The following PCED1B variants were observed in gnomAD, a reference collection of about 807,000 sequenced individuals.
PCED1B encodes PC-esterase domain-containing protein 1B.
For synonymous variants in PCED1B, 251 were observed against 246.1 expected (o/e 1.02, Z -0.19); for missense variants, 573 against 573.9 (o/e 1.00, Z 0.02).
At chr12:47,116,632 A>G (rs1939433591) in intron 2 of PCED1B, among the ~76,000 whole-genome samples, 1 of 152,228 alleles carries the variant, frequency 6.6e-6, no homozygotes, top group Non-Finnish European at 1.5e-5. Flanking sequence ...TTTGAGCCAA[A>G]TTATTTGCCA....
intron 2 of PCED1B, among the ~76,000 whole-genome samples, chr12:47,110,223 C>T (rs995535063): frequency 1.3e-5 from 2 of 152,166 alleles, no homozygotes; most frequent in Non-Finnish European, 2.9e-5. Context: ...ACAATTAGTC[C>T]TGTAAATCAC....
chr12:47,121,752 C>T (rs10219577), intron 2 of PCED1B, among the ~76,000 whole-genome samples: 16,855 of 151,710 alleles, frequency 0.11, 1,798 homozygotes, highest in African/African-American at 0.28. Flanking sequence ...TGCTCTGAGC[C>T]GGGTGTGGTG....
Position 47,096,692 on chromosome 12 carries a change from C to G in PCED1B, c.-608-7421C>G, listed in dbSNP as rs191169535. Among the ~76,000 whole-genome samples, 11 of 152,194 alleles carry G rather than the reference C, an allele frequency of 7.2e-5. 1 individual carries two copies. The East Asian group carries it at 2.1e-3, about 29-fold the overall frequency. On this transcript the variant is annotated intron_variant, in intron 1 of 3. Coordinates refer to ENST00000546455, the MANE Select transcript of PCED1B (RefSeq NM_138371.3). Reference sequence around the variant, plus strand: ...AGAGAAACCAATATTTAAAAGTAGACTTTTCGTTAAAAGGATATTACAGAT... The same window carrying G: ...AGAGAAACCAATATTTAAAAGTAGAGTTTTCGTTAAAAGGATATTACAGAT...
At chr12:47,109,759 T>A (rs1939111801) in intron 2 of PCED1B, among the ~76,000 whole-genome samples, 1 of 152,320 alleles carries the variant, frequency 6.6e-6, no homozygotes, top group East Asian at 1.9e-4. Context: ...AAAACTTTTT[T>A]AAAAGGCTAT....
At chr12:47,107,859 G>A (rs1231605517) in intron 2 of PCED1B, among the ~76,000 whole-genome samples, 1 of 152,138 alleles carries the variant, frequency 6.6e-6, no homozygotes, top group African/African-American at 2.4e-5. Context: ...TTTACATCAG[G>A]TAAGACTCCT....
chr12:47,176,208 C>A (rs1313860942), intron 2 of PCED1B, among the ~76,000 whole-genome samples: 4 of 152,134 alleles, frequency 2.6e-5, no homozygotes, highest in Non-Finnish European at 5.9e-5. Context: ...ATCCTCAATT[C>A]CTGGCACAGA....
intron 2 of PCED1B, among the ~76,000 whole-genome samples, chr12:47,198,470 T>G (rs942079997): frequency 6.6e-6 from 1 of 152,200 alleles, no homozygotes; most frequent in Middle Eastern, 3.4e-3. Flanking sequence ...GGAAACTAGA[T>G]TCTTTCTCCC....
At chr12:47,106,605 G>A (rs1938960495) in intron 2 of PCED1B, among the ~76,000 whole-genome samples, 1 of 152,128 alleles carries the variant, frequency 6.6e-6, no homozygotes, top group African/African-American at 2.4e-5. Context: ...GACTGTAGGC[G>A]TCGAGCCTCC....
intron 2 of PCED1B, among the ~76,000 whole-genome samples, chr12:47,134,162 G>A (rs11829304): frequency 2.0e-5 from 3 of 152,304 alleles, no homozygotes; most frequent in East Asian, 3.9e-4. Flanking sequence ...TCAGATGCCC[G>A]AGGGTACATT....
At chr12:47,122,171 G>A (rs150951465) in intron 2 of PCED1B, among the ~76,000 whole-genome samples, 174 of 151,732 alleles carry the variant, frequency 1.1e-3, no homozygotes, top group African/African-American at 3.9e-3. Context: ...CACTCTAAAT[G>A]TTTGCCATTG....
intron 2 of PCED1B, among the ~76,000 whole-genome samples, chr12:47,147,969 A>C (rs551973346): frequency 3.1e-4 from 47 of 152,322 alleles, no homozygotes; most frequent in African/African-American, 8.9e-4. Context: ...GTGTTGCTAT[A>C]ACAGAATACC....
chr12:47,096,964 T>A (rs1478849020), intron 1 of PCED1B, among the ~76,000 whole-genome samples: 1 of 152,228 alleles, frequency 6.6e-6, no homozygotes, highest in African/African-American at 2.4e-5. Flanking sequence ...ATTTTTTAAA[T>A]TAAGTACTAA....
chr12:47,232,215 T>C (rs1409985047), intron 3 of PCED1B, among the ~76,000 whole-genome samples: 1 of 152,190 alleles, frequency 6.6e-6, no homozygotes, highest in Non-Finnish European at 1.5e-5. Context: ...TGTTTCAAAC[T>C]CCTGGTCTCA....
intron 2 of PCED1B, among the ~76,000 whole-genome samples, chr12:47,169,363 A>C (rs1941645507): frequency 6.6e-6 from 1 of 152,032 alleles, no homozygotes; most frequent in Admixed American, 6.6e-5. Context: ...CTCTCATGTG[A>C]GGGTCTTATG....
chr12:47,186,194 G>A (rs1386067162), intron 2 of PCED1B, among the ~76,000 whole-genome samples: 5 of 149,442 alleles, frequency 3.3e-5, no homozygotes, highest in Non-Finnish European at 7.4e-5. Flanking sequence ...CTCCAGCCTG[G>A]GTGACAGAGT....
At chr12:47,093,950 G>T (rs1055959279) in intron 1 of PCED1B, among the ~76,000 whole-genome samples, 1 of 152,016 alleles carries the variant, frequency 6.6e-6, no homozygotes, top group Non-Finnish European at 1.5e-5. Flanking sequence ...TATGTTAACT[G>T]TGCTGTTTAT....
intron 2 of PCED1B, among the ~76,000 whole-genome samples, chr12:47,104,714 A>G (rs1938868193): frequency 6.6e-6 from 1 of 152,218 alleles, no homozygotes; most frequent in Admixed American, 6.5e-5. Context: ...TTACTCTAAA[A>G]AGATTTTTTG....
intron 2 of PCED1B, among the ~76,000 whole-genome samples, chr12:47,114,876 A>T (rs1174139671): frequency 1.3e-5 from 2 of 152,206 alleles, no homozygotes; most frequent in Non-Finnish European, 2.9e-5. Context: ...CTGTCCATTA[A>T]AGAAGGTTTA....
chr12:47,235,192 C>A lies in PCED1B; in HGVS notation c.129C>A (p.Leu43=). Residue 43 remains leucine (L), a synonymous_variant, in exon 4 of 4, where the codon CTC becomes CTA. Coordinates refer to ENST00000546455, the MANE Select transcript of PCED1B (RefSeq NM_138371.3). ...LVLLLQKDRL[L]TPGQLRARGE... is the part of the protein sequence containing the mutation. ...TTCTGCTGCAGAAGGACCGCCTGCT[C>A]ACTCCCGGGCAGCTTAGAGCAAGGG... The A allele has an allele frequency of 1.3e-6, 2 of 1,598,550 alleles. No individual in the cohort carries two copies. Among genetic ancestry groups the A allele is most frequent in the Admixed American group, 1.7e-5 (1 of 59,076 alleles).
Sources: gnomAD v4.1 joint callset for allele counts (sites outside exome capture counted in the v4.1 genomes callset) on GRCh38, gnomAD v4.1.1 for gene constraint, MANE v1.5 for transcripts, NCBI Gene and HGNC (gene_info 2026-07-23, HGNC 2026-07-21) for gene names.